The following RNF170 variants were observed in gnomAD, a reference collection of about 807,000 sequenced individuals.
RNF170 encodes ring finger protein 170.
A neutral mutation model predicts 32.7 loss-of-function variants in RNF170; 12 were observed. The ratio of observed to expected loss-of-function variants is 0.37; its 90% CI spans 0.24 to 0.60. RNF170 has a LOEUF of 0.60. RNF170 is among the 20% of genes least tolerant of loss of function. The probability of loss-of-function intolerance (pLI) is 0.72; values close to 1 mark genes in which losing one functional copy is unlikely to be tolerated. For missense variants in RNF170, 212 were observed against 311.2 expected (o/e 0.68, Z 2.40); for synonymous variants, 91 against 103.6 (o/e 0.88, Z 0.74).
At chr8:42,853,069 T>G (rs183911804), downstream of RNF170, among the ~76,000 whole-genome samples, 1 of 151,804 alleles carries the variant, frequency 6.6e-6, no homozygotes, top group African/African-American at 2.4e-5. Flanking sequence ...GAGGCTGCAG[T>G]CAGCTATGAT....
upstream of RNF170, chr8:42,896,800 G>C (rs1181443470): frequency 6.7e-6 from 1 of 148,502 alleles, no homozygotes; most frequent in South Asian, 1.8e-4. Context: ...GTCGGCCGGG[G>C]CGCGAGCGTG....
chr8:42,870,309 T>C (rs1235720460), intron 3 of RNF170, among the ~76,000 whole-genome samples, 197 bp from the exon 4 acceptor site: 2 of 152,234 alleles, frequency 1.3e-5, no homozygotes, highest in African/African-American at 2.4e-5. Flanking sequence ...GGTTTCCACT[T>C]TCCTTCCTAA....
chr8:42,850,272 C>CT (rs906427092), downstream of RNF170: 80 of 170,294 alleles, frequency 4.7e-4, no homozygotes, highest in African/African-American at 1.8e-3. Context: ...GGCGTGAGGA[C>CT]TTTACCTTTA....
chr8:42,894,962 A>C (rs1447467139), intron 1 of RNF170, among the ~76,000 whole-genome samples: 2 of 151,970 alleles, frequency 1.3e-5, no homozygotes, highest in African/African-American at 4.8e-5. Context: ...TTACACTTAC[A>C]AAATGCTAAA....
At chr8:42,876,587 C>A (rs1454532164) in intron 2 of RNF170, among the ~76,000 whole-genome samples, 1 of 151,962 alleles carries the variant, frequency 6.6e-6, no homozygotes, top group African/African-American at 2.4e-5. Flanking sequence ...ACCTCCCAGC[C>A]TCTCGAACTG....
In RNF170 at chr8:42,855,016, CAGT is replaced by C; in HGVS notation, c.*1140_*1142del. The stretch of plus-strand genomic sequence containing the variant: ...TTTTGTCAAATGTAAATACCGTTCC[CAGT>C]ACCTTCCTATTGGCTTGATGCTCAA... On this transcript the variant is annotated 3_prime_UTR_variant, in exon 7 of 7. Transcript: ENST00000527424. 1 of 1,287,220 alleles carries C rather than the reference CAGT, an allele frequency of 7.8e-7. No homozygotes were observed. The highest frequency in any genetic ancestry group is 1.0e-6 in the Non-Finnish European group (1 of 988,706). 79.7% of individuals were successfully genotyped at this position (1,287,220 alleles called of 1,614,324 possible).
At chr8:42,865,522 A>G in intron 4 of RNF170, 33 bp from the exon 5 acceptor site, 1 of 1,435,060 alleles carries the variant, frequency 7.0e-7, no homozygotes, top group Non-Finnish European at 9.8e-7. Context: ...CACATAACCC[A>G]TTAATATTGA....
At chr8:42,862,691 G>GT (rs1178353860) in intron 5 of RNF170, among the ~76,000 whole-genome samples, 11 of 152,212 alleles carry the variant, frequency 7.2e-5, no homozygotes, top group Admixed American at 2.6e-4. Flanking sequence ...AAAAGAAGGC[G>GT]TGACTAAGCA....
chr8:42,850,826 G>GCC, downstream of RNF170: 2 of 1,551,656 alleles, frequency 1.3e-6, no homozygotes, highest in Non-Finnish European at 1.7e-6. Context: ...ACACAGTCTA[G>GCC]TAACGTGAAG....
chr8:42,887,451 G>A (rs1225930813), intron 2 of RNF170, among the ~76,000 whole-genome samples: 2 of 152,020 alleles, frequency 1.3e-5, no homozygotes, highest in East Asian at 1.9e-4. Context: ...TTTAATTATG[G>A]AAATTAAAGT....
chr8:42,875,382 A>G (rs549916665), intron 2 of RNF170, among the ~76,000 whole-genome samples: 2 of 152,318 alleles, frequency 1.3e-5, no homozygotes, highest in Admixed American at 1.3e-4. Context: ...CAACAGACAT[A>G]AGGACTCTCA....
At chr8:42,894,940 G>GTT (rs76011717) in intron 1 of RNF170, among the ~76,000 whole-genome samples, 23 of 145,748 alleles carry the variant, frequency 1.6e-4, no homozygotes, top group African/African-American at 4.8e-4. Context: ...CTTCAGGTAA[G>GTT]TTTTTTTTTT....
rs771183602 is a variant in RNF170, at chr8:42,865,498, C to T, written c.323-9G>A. ...AGCAATAATGCAGGCACCTAATAGACAAAACAAAACAAACACATAACCCAT... is the reference window on the plus strand; with the variant it reads ...AGCAATAATGCAGGCACCTAATAGATAAAACAAAACAAACACATAACCCAT... On this transcript the variant is annotated splice_polypyrimidine_tract_variant and intron_variant, in intron 4 of 6. Transcript: ENST00000527424. 2 of 1,600,388 alleles carry T rather than the reference C, an allele frequency of 1.2e-6. No homozygotes were observed. Among genetic ancestry groups the T allele is most frequent in the East Asian group, 2.2e-5 (1 of 44,774 alleles).
chr8:42,850,822 T>C (rs1306381816), downstream of RNF170: 4 of 1,551,446 alleles, frequency 2.6e-6, no homozygotes, highest in South Asian at 1.2e-5. Flanking sequence ...GGAAACACAG[T>C]CTAGTAACGT....
intron 4 of RNF170, among the ~76,000 whole-genome samples, chr8:42,869,534 C>A (rs1461562366): frequency 2.6e-5 from 4 of 152,262 alleles, no homozygotes; most frequent in Admixed American, 6.5e-5. Context: ...AGACTAAGAC[C>A]TTTAAGACTT....
At position 42,855,313 on chromosome 8, in the gene RNF170, G is replaced by A. The variant is rs1488750641; in HGVS notation, c.*846C>T. 12 of 993,238 alleles carry A rather than the reference G, an allele frequency of 1.2e-5. No homozygotes were observed. Among genetic ancestry groups the A allele is most frequent in the Admixed American group, 2.6e-5 (1 of 38,082 alleles). 61.5% of individuals were successfully genotyped at this position (993,238 alleles called of 1,614,324 possible). A position where few individuals can be genotyped will look rare whatever the true frequency, so the allele number is the denominator to read the frequency against. On this transcript the variant is annotated 3_prime_UTR_variant, in exon 7 of 7. Coordinates refer to ENST00000527424, the MANE Select transcript of RNF170 (RefSeq NM_030954.4). Reference sequence around the variant, plus strand: ...GGCGCAATCCACCTCCTGGGTTTACGCCATTCTTCTGCCTCAGCCTCCCGA... The same window carrying A: ...GGCGCAATCCACCTCCTGGGTTTACACCATTCTTCTGCCTCAGCCTCCCGA...
Position 42,854,094 on chromosome 8 carries a change from T to A in RNF170, c.*2065A>T. 1 of 1,287,256 alleles carries A rather than the reference T, an allele frequency of 7.8e-7. No homozygotes were observed. The highest frequency in any genetic ancestry group is 1.0e-6 in the Non-Finnish European group (1 of 988,700). The allele number at this position is 1,287,256 out of a possible 1,614,324, so 79.7% of individuals were successfully genotyped here. On this transcript the variant is annotated 3_prime_UTR_variant, in exon 7 of 7. Coordinates refer to ENST00000527424, the MANE Select transcript of RNF170 (RefSeq NM_030954.4). ...CTCACTCGCTTTTCAAGTTGGTGAC[T>A]GCAGCTGAAATGTTTTTCTGTGATG...
intron 5 of RNF170, 68 bp downstream of exon 5, chr8:42,865,348 A>C: frequency 1.7e-6 from 2 of 1,206,804 alleles, no homozygotes; most frequent in Non-Finnish European, 2.5e-6. Context: ...CCAAATGTAG[A>C]TACAAAAACT....
intron 5 of RNF170, among the ~76,000 whole-genome samples, chr8:42,862,794 C>G (rs193007991): frequency 2.0e-5 from 3 of 152,274 alleles, no homozygotes; most frequent in Admixed American, 6.5e-5. Context: ...AATGGAACAC[C>G]TATGGCGGGC....
Sources: allele counts gnomAD v4.1 joint callset (sites outside exome capture counted in the v4.1 genomes callset), GRCh38; gene constraint gnomAD v4.1.1; transcripts MANE v1.5; gene names NCBI Gene and HGNC (gene_info 2026-07-23, HGNC 2026-07-21).